The following RNLS variants were observed in gnomAD, a reference collection of about 807,000 sequenced individuals.
RNLS encodes the protein renalase.
In RNLS, 39 loss-of-function variants were observed where a neutral mutation model predicts 39.8. The observed-to-expected ratio is 0.98, with a 90% confidence interval of 0.76 to 1.28. RNLS has a LOEUF of 1.28. Ranked by LOEUF, RNLS falls within the 50% of genes most tolerant of loss-of-function variation. The probability of loss-of-function intolerance (pLI) is 0.00; values close to 1 mark genes in which losing one functional copy is unlikely to be tolerated. For missense variants in RNLS, 410 were observed against 413.3 expected, an observed-to-expected ratio of 0.99 and a Z score of 0.07; for synonymous variants, 147 against 150.7, an observed-to-expected ratio of 0.98 and a Z score of 0.18.
intron 4 of RNLS, among the ~76,000 whole-genome samples, chr10:88,412,872 C>G (rs1425614847): frequency 6.6e-6 from 1 of 152,124 alleles, no homozygotes; most frequent in African/African-American, 2.4e-5. Flanking sequence ...GCAGATGCTC[C>G]CTAAATATTT....
At chr10:88,180,138 A>C in the RNLS span, among the ~76,000 whole-genome samples, 1 of 152,206 alleles carries the variant, frequency 6.6e-6, no homozygotes, top group East Asian at 1.9e-4. Flanking sequence ...GGGACAGCAA[A>C]TTGTTTCGTT....
intron 4 of RNLS, among the ~76,000 whole-genome samples, chr10:88,560,940 T>C (rs529583122): frequency 1.5e-3 from 156 of 105,172 alleles, no homozygotes; most frequent in African/African-American, 4.9e-3. Context: ...TGTTCAGAGA[T>C]AACACACACA....
chr10:88,455,073 G>C (rs968529569), intron 4 of RNLS, among the ~76,000 whole-genome samples: 7 of 152,160 alleles, frequency 4.6e-5, no homozygotes, highest in Non-Finnish European at 7.3e-5. Flanking sequence ...TCACAGACTA[G>C]TAGCTAGAGA....
the RNLS span, among the ~76,000 whole-genome samples, chr10:88,203,228 GT>G: frequency 1.1e-3 from 1 of 898 alleles, no homozygotes; most frequent in Non-Finnish European, 2.7e-3. Context: ...CAAAAAGTGT[GT>G]GTGTGTGTGT....
At chr10:88,379,999 G>A (rs792218) in intron 4 of RNLS, among the ~76,000 whole-genome samples, 96,020 of 152,022 alleles carry the variant, frequency 0.63, 30,391 homozygotes, top group Middle Eastern at 0.68. Context: ...AGAGACAAAC[G>A]TCTGCATTGT....
the RNLS span, among the ~76,000 whole-genome samples, chr10:88,244,934 A>G: frequency 3.7e-4 from 57 of 152,254 alleles, no homozygotes; most frequent in East Asian, 0.011. Context: ...AAGTACAGGA[A>G]CCGAGCCTAA....
At chr10:88,536,830 C>G (rs1005516206) in intron 4 of RNLS, among the ~76,000 whole-genome samples, 1 of 152,176 alleles carries the variant, frequency 6.6e-6, no homozygotes. Context: ...CAACTTTCCC[C>G]TTACCTTTAC....
At chr10:88,213,726 A>G in the RNLS span, among the ~76,000 whole-genome samples, 1 of 152,144 alleles carries the variant, frequency 6.6e-6, no homozygotes, top group Non-Finnish European at 1.5e-5. Flanking sequence ...CTGAAGGTAC[A>G]TGATGATTCT....
the RNLS span, among the ~76,000 whole-genome samples, chr10:88,241,790 C>T: frequency 6.6e-6 from 1 of 152,210 alleles, no homozygotes; most frequent in Non-Finnish European, 1.5e-5. Flanking sequence ...CAGATTCCTT[C>T]TAGGCCCCAA....
intron 4 of RNLS, among the ~76,000 whole-genome samples, chr10:88,480,956 T>G (rs1460635618): frequency 6.6e-6 from 1 of 152,208 alleles, no homozygotes; most frequent in African/African-American, 2.4e-5. Context: ...ATTTGTTCTA[T>G]TTCTCTTTTC....
At chr10:88,193,298 G>A in the RNLS span, among the ~76,000 whole-genome samples, 4 of 152,074 alleles carry the variant, frequency 2.6e-5, no homozygotes, top group African/African-American at 4.8e-5. Context: ...TTAGAGCTAC[G>A]GGGATTAGAT....
At chr10:88,351,613 T>G (rs1458401281) in intron 5 of RNLS, among the ~76,000 whole-genome samples, 1 of 152,256 alleles carries the variant, frequency 6.6e-6, no homozygotes, top group Non-Finnish European at 1.5e-5. Flanking sequence ...ACCAGTACCA[T>G]GCTGTTTTGG....
chr10:88,525,448 C>T (rs115998214), intron 4 of RNLS, among the ~76,000 whole-genome samples: 183 of 152,042 alleles, frequency 1.2e-3, no homozygotes, highest in African/African-American at 4.2e-3. Context: ...TTTAGCAGAC[C>T]TCATTTTTAT....
intron 5 of RNLS, among the ~76,000 whole-genome samples, chr10:88,321,462 T>C (rs776668278): frequency 6.6e-6 from 1 of 151,960 alleles, no homozygotes; most frequent in East Asian, 1.9e-4. Context: ...CAGAGCAGAA[T>C]GACATAAAAT....
Position 88,285,168 on chromosome 10 carries a change from C to A in RNLS, c.*186G>T. 1 of 1,211,216 alleles carries A rather than the reference C, an allele frequency of 8.3e-7. No homozygotes were observed. 75.0% of individuals were successfully genotyped at this position (1,211,216 alleles called of 1,614,324 possible). ...GAAGGTGCAAGGTGTGAGGAATTTCCATTCTAGCATGGGTTGTAACTATCA... is the reference window on the plus strand; with the variant it reads ...GAAGGTGCAAGGTGTGAGGAATTTCAATTCTAGCATGGGTTGTAACTATCA... On this transcript the variant is annotated 3_prime_UTR_variant, in exon 7 of 7. Coordinates refer to ENST00000331772, the MANE Select transcript of RNLS (RefSeq NM_001031709.3).
chr10:88,432,376 A>C (rs1191813393), intron 4 of RNLS, among the ~76,000 whole-genome samples: 1 of 151,838 alleles, frequency 6.6e-6, no homozygotes, highest in Non-Finnish European at 1.5e-5. Flanking sequence ...TGTTTTTGGC[A>C]GCATATAGTT....
chr10:88,411,360 C>T (rs1371677054), intron 4 of RNLS, among the ~76,000 whole-genome samples: 1 of 151,986 alleles, frequency 6.6e-6, no homozygotes, highest in Non-Finnish European at 1.5e-5. Flanking sequence ...AAACTGTTTC[C>T]TCAGCGGACC....
chr10:88,178,482 T>C, the RNLS span, among the ~76,000 whole-genome samples: 4 of 152,148 alleles, frequency 2.6e-5, no homozygotes, highest in Admixed American at 6.5e-5. Flanking sequence ...TGTAGGTATC[T>C]GTGGTGAGAA....
intron 4 of RNLS, among the ~76,000 whole-genome samples, chr10:88,455,141 C>G (rs1842559181): frequency 6.6e-6 from 1 of 152,032 alleles, no homozygotes; most frequent in Non-Finnish European, 1.5e-5. Flanking sequence ...GTACTAAGTA[C>G]TATGGAGCCA....
Sources: gnomAD v4.1 joint callset for allele counts (sites outside exome capture counted in the v4.1 genomes callset) on GRCh38, gnomAD v4.1.1 for gene constraint, MANE v1.5 for transcripts, NCBI Gene and HGNC (gene_info 2026-07-23, HGNC 2026-07-21) for gene names.